ADORA2A: variants seen among roughly 807,000 people sequenced by gnomAD.
The protein encoded by ADORA2A is adenosine receptor A2a.
A neutral mutation model predicts 18.4 loss-of-function variants in ADORA2A; 11 were observed. That is an observed-to-expected ratio of 0.60 (90% CI 0.38 to 0.99). The LOEUF (loss-of-function observed/expected upper bound fraction) is 0.99. Among genes scored for constraint, ADORA2A ranks in the 50% least tolerant of loss-of-function variants. The pLI is 0.01. For synonymous variants in ADORA2A, 218 were observed against 237.3 expected (o/e 0.92, Z 0.75); for missense variants, 449 against 556.1 (o/e 0.81, Z 1.94).
intron 1 of ADORA2A, among the ~76,000 whole-genome samples, chr22:24,428,006 G>T (rs921059204): frequency 6.6e-6 from 1 of 152,184 alleles, no homozygotes; most frequent in Non-Finnish European, 1.5e-5. Context: ...GGGATGCCAG[G>T]TGTATCTCTG....
Position 24,433,608 on chromosome 22 carries a change from C to G in ADORA2A, c.204C>G (p.Thr68=), listed in dbSNP as rs761249118. ...LAIPFAITIS[T]GFCAACHGCL... ...TCCCCTTTGCCATCACCATCAGCAC[C>G]GGGTTCTGCGCTGCCTGCCACGGCT... The change falls in exon 2 of 3, where the codon ACC becomes ACG. Residue 68 remains threonine, a synonymous_variant. Transcript: ENST00000337539. 6.2e-7 allele frequency: 1 copy of G among 1,613,946 alleles called. No individual in the cohort carries two copies. Among genetic ancestry groups the G allele is most frequent in the African/African-American group, 1.3e-5 (1 of 74,962 alleles).
upstream of ADORA2A, among the ~76,000 whole-genome samples, chr22:24,425,123 C>A (rs951582321): frequency 2.0e-5 from 3 of 152,110 alleles, no homozygotes; most frequent in Admixed American, 2.0e-4. Flanking sequence ...GCTGCCGGCT[C>A]CCCCTGGGTT....
At chr22:24,431,519 T>C in intron 1 of ADORA2A, 1 of 456,138 alleles carries the variant, frequency 2.2e-6, no homozygotes, top group South Asian at 1.5e-5. Flanking sequence ...GGACCAGGAG[T>C]GACTTCCTCT....
chr22:24,432,973 G>C (rs2043079394), intron 1 of ADORA2A, 158 bp from the exon 2 acceptor site: 1 of 228,450 alleles, frequency 4.4e-6, no homozygotes, highest in Admixed American at 5.2e-5. Flanking sequence ...GCTAGGCGGG[G>C]TCAGGGGCCA....
chr22:24,424,850 T>G (rs572084896), upstream of ADORA2A, among the ~76,000 whole-genome samples: 11 of 152,212 alleles, frequency 7.2e-5, no homozygotes, highest in African/African-American at 2.2e-4. This position sits in a 1 kb window ranked among gnomAD's most constrained non-coding sequence, Gnocchi z 4.9. Context: ...CCGGCAGAGC[T>G]GAGGTCCCTG....
At position 24,433,385 on chromosome 22, in the gene ADORA2A, C is replaced by T. The variant is rs2043091971; in HGVS notation, c.-20C>T. 6.3e-7 allele frequency: 1 copy of T among 1,594,460 alleles called. No homozygotes were observed. The highest frequency in any genetic ancestry group is 1.3e-5 in the African/African-American group (1 of 74,506). ...TGGCCCAGCCCGCGTCCGTGCTGAG[C>T]CTGCCTGTCGTCTGTGGCCATGCCC... On this transcript the variant is annotated 5_prime_UTR_variant, in exon 2 of 3. Coordinates refer to ENST00000337539, the MANE Select transcript of ADORA2A (RefSeq NM_000675.6).
chr22:24,429,081 A>AG (rs2042965594), intron 1 of ADORA2A: 1 of 152,402 alleles, frequency 6.6e-6, no homozygotes, highest in Non-Finnish European at 1.5e-5. Flanking sequence ...GCAGATGTGC[A>AG]GGTCACTGCC....
At chr22:24,439,142 T>C (rs1014556197) in intron 2 of ADORA2A, among the ~76,000 whole-genome samples, 6 of 135,818 alleles carry the variant, frequency 4.4e-5, no homozygotes, top group Admixed American at 8.6e-5. Flanking sequence ...TGGAGTGCAG[T>C]GGCGCGATCT....
chr22:24,430,704 T>TCCACCTTGTC (rs2043010486), intron 1 of ADORA2A, among the ~76,000 whole-genome samples: 3 of 152,106 alleles, frequency 2.0e-5, no homozygotes, highest in Non-Finnish European at 4.4e-5. Context: ...TCCACCTTGT[T>TCCACCTTGTC]TGCCCCCAGC....
chr22:24,436,055 A>T (rs2043167206), intron 2 of ADORA2A, among the ~76,000 whole-genome samples: 2 of 152,128 alleles, frequency 1.3e-5, no homozygotes, highest in Non-Finnish European at 2.9e-5. Context: ...ACTCATGGGG[A>T]GGCCAGAGCA....
At chr22:24,427,955 C>G (rs1307425007) in intron 1 of ADORA2A, among the ~76,000 whole-genome samples, 1 of 152,164 alleles carries the variant, frequency 6.6e-6, no homozygotes, top group Non-Finnish European at 1.5e-5. Flanking sequence ...CATCCTGCCA[C>G]CAGGAGCAGA....
chr22:24,431,196 G>C (rs1359047691), intron 1 of ADORA2A: 1 of 456,792 alleles, frequency 2.2e-6, no homozygotes, highest in Non-Finnish European at 4.4e-6. Flanking sequence ...GAAAGCAGGG[G>C]CTTGGGAGGA....
At chr22:24,439,744 T>A (rs747656369) in intron 2 of ADORA2A, among the ~76,000 whole-genome samples, 2 of 152,106 alleles carry the variant, frequency 1.3e-5, no homozygotes, top group Non-Finnish European at 2.9e-5. Context: ...TGGGAGTCGG[T>A]AGGCTTGGAT....
At chr22:24,436,282 CCCT>C (rs886121564) in intron 2 of ADORA2A, among the ~76,000 whole-genome samples, 8 of 152,194 alleles carry the variant, frequency 5.3e-5, no homozygotes, top group Admixed American at 2.0e-4. Flanking sequence ...TCAGGATCCT[CCCT>C]CCTCCTTTCT....
intron 1 of ADORA2A, 198 bp from the exon 2 acceptor site, chr22:24,432,933 A>G (rs912429762): frequency 5.7e-6 from 1 of 173,986 alleles, no homozygotes; most frequent in Non-Finnish European, 1.2e-5. Context: ...CCTCCTGGCT[A>G]TGACCACAGC....
chr22:24,431,978 G>A (rs1350284266), intron 1 of ADORA2A: 1 of 163,376 alleles, frequency 6.1e-6, no homozygotes, highest in Non-Finnish European at 1.4e-5. Context: ...CCGTATCAAT[G>A]AGGAAACTGA....
chr22:24,440,489 A>T (rs1264031753), intron 2 of ADORA2A, 94 bp from the exon 3 acceptor site: 6 of 1,271,348 alleles, frequency 4.7e-6, no homozygotes, highest in Non-Finnish European at 1.1e-6. Context: ...TACAGTCAGG[A>T]AATGTGGAAA....
upstream of ADORA2A, among the ~76,000 whole-genome samples, chr22:24,426,665 G>A (rs988929502): frequency 7.9e-5 from 12 of 152,194 alleles, no homozygotes; most frequent in Non-Finnish European, 1.6e-4. Context: ...CATGGCGGAG[G>A]AGGCCTGGGC....
chr22:24,434,335 G>A (rs1473889803), intron 2 of ADORA2A, among the ~76,000 whole-genome samples: 5 of 152,234 alleles, frequency 3.3e-5, no homozygotes, highest in African/African-American at 9.6e-5. Context: ...TGCTCCTCAA[G>A]TCACCAAGGA....
Sources: allele counts gnomAD v4.1 joint callset (sites outside exome capture counted in the v4.1 genomes callset), GRCh38; gene constraint gnomAD v4.1.1; non-coding constraint Gnocchi (gnomAD v3.1); transcripts MANE v1.5; gene names NCBI Gene and HGNC (gene_info 2026-07-23, HGNC 2026-07-21).